Variants in MN1 observed in about 807,000 individuals in gnomAD.
MN1 encodes MN1 proto-oncogene, transcriptional regulator, also known as transcriptional activator MN1.
Under a neutral mutation model 86.9 loss-of-function variants are expected in MN1, and 19 were observed. The observed-to-expected ratio is 0.22, with a 90% CI of 0.15 to 0.32. The LOEUF is 0.32. Among genes scored for constraint, MN1 ranks in the 10% least tolerant of loss-of-function variants. The probability of loss-of-function intolerance (pLI) is 1.00; values close to 1 mark genes in which losing one functional copy is unlikely to be tolerated. For synonymous variants in MN1, 928 were observed against 849.6 expected, an observed-to-expected ratio of 1.09 and a Z score of -1.60; for missense variants, 1,841 against 1,862.0, an observed-to-expected ratio of 0.99 and a Z score of 0.21.
intron 1 of MN1, among the ~76,000 whole-genome samples, chr22:27,781,873 CTT>C (rs1555882893): frequency 1.3e-5 from 2 of 152,138 alleles, no homozygotes; most frequent in South Asian, 2.1e-4. Flanking sequence ...CTCTCTCTCT[CTT>C]GCTCTTGCTA....
At chr22:27,755,949 T>G (rs1044442588) in intron 1 of MN1, among the ~76,000 whole-genome samples, 1 of 152,206 alleles carries the variant, frequency 6.6e-6, no homozygotes, top group Non-Finnish European at 1.5e-5. Context: ...GAACCTCGGT[T>G]CTAGGAAATG....
chr22:27,762,500 C>T (rs1428739177), intron 1 of MN1, among the ~76,000 whole-genome samples: 1 of 152,108 alleles, frequency 6.6e-6, no homozygotes, highest in Non-Finnish European at 1.5e-5. Context: ...ACCGGTAATG[C>T]TGGTAATAGT....
At position 27,797,468 on chromosome 22, in the gene MN1, C is replaced by T. The variant is rs1300217156; in HGVS notation, c.3076G>A (p.Gly1026Arg). Residue 1026 changes from glycine (G) to arginine (R), a missense_variant, in exon 1 of 2, where the codon GGG becomes AGG. Transcript: ENST00000302326. ...GACTTGGCCCCGCCGTCCAGGGACC[C>T]AATGAGGTCCGGCTGATCCCCCAGG... ...LLLGDQPDLI[G>R]SLDGGAKSDS... 4 of 1,600,120 alleles carry T rather than the reference C, an allele frequency of 2.5e-6. No homozygotes were observed. The highest frequency in any genetic ancestry group is 1.7e-6 in the Non-Finnish European group (2 of 1,173,164).
intron 1 of MN1, among the ~76,000 whole-genome samples, chr22:27,786,251 AG>A (rs1226105867): frequency 6.6e-6 from 1 of 152,258 alleles, no homozygotes; most frequent in East Asian, 1.9e-4. Flanking sequence ...CCCCCAAAGA[AG>A]CCAGGCTGAA....
chr22:27,767,330 G>C (rs933264829), intron 1 of MN1, among the ~76,000 whole-genome samples: 3 of 152,092 alleles, frequency 2.0e-5, no homozygotes, highest in Admixed American at 6.5e-5. Flanking sequence ...TAATTGGAAG[G>C]CTTGCCAAAT....
chr22:27,795,697 A>C (rs1933282088), intron 1 of MN1, among the ~76,000 whole-genome samples: 1 of 149,310 alleles, frequency 6.7e-6, no homozygotes, highest in South Asian at 2.1e-4. Context: ...ATAGACACAC[A>C]TACCTATATA....
intron 1 of MN1, among the ~76,000 whole-genome samples, chr22:27,788,389 T>G (rs556755441): frequency 6.6e-6 from 1 of 152,134 alleles, no homozygotes; most frequent in Non-Finnish European, 1.5e-5. Flanking sequence ...ACCCACTAAC[T>G]TCTCAGCAAA....
intron 1 of MN1, among the ~76,000 whole-genome samples, chr22:27,756,778 T>TA (rs1361536245): frequency 1.3e-5 from 2 of 152,172 alleles, no homozygotes; most frequent in South Asian, 2.1e-4. Context: ...CTTTTAGAGA[T>TA]AGAGTCTCGC....
At chr22:27,781,293 C>T (rs1035286250) in intron 1 of MN1, among the ~76,000 whole-genome samples, 2 of 152,194 alleles carry the variant, frequency 1.3e-5, no homozygotes, top group Non-Finnish European at 2.9e-5. Flanking sequence ...TCAATCTTAG[C>T]GCTATTCACA....
At chr22:27,783,926 T>C (rs1291335345) in intron 1 of MN1, among the ~76,000 whole-genome samples, 2 of 152,128 alleles carry the variant, frequency 1.3e-5, no homozygotes, top group Admixed American at 6.5e-5. Context: ...TGGCGGCCAG[T>C]GCAACAAGCT....
intron 1 of MN1, among the ~76,000 whole-genome samples, chr22:27,755,236 G>C (rs998463266): frequency 2.0e-5 from 3 of 152,174 alleles, no homozygotes; most frequent in African/African-American, 7.2e-5. Context: ...CTGCAACTTG[G>C]GGGTGGTGAT....
chr22:27,782,333 T>C (rs916034613), intron 1 of MN1, among the ~76,000 whole-genome samples: 1 of 152,144 alleles, frequency 6.6e-6, no homozygotes, highest in Non-Finnish European at 1.5e-5. Context: ...GGCCCCGCCC[T>C]ATGACATTGT....
intron 1 of MN1, among the ~76,000 whole-genome samples, chr22:27,784,061 C>T (rs1215695400): frequency 1.3e-5 from 2 of 152,232 alleles, no homozygotes; most frequent in Non-Finnish European, 2.9e-5. Flanking sequence ...AGAGAGCCGG[C>T]CCCTGAGAAC....
intron 1 of MN1, among the ~76,000 whole-genome samples, chr22:27,788,893 C>T (rs1013459279): frequency 6.6e-6 from 1 of 152,130 alleles, no homozygotes; most frequent in Non-Finnish European, 1.5e-5. Context: ...AAAGACCCCC[C>T]CAGACGGTGT....
intron 1 of MN1, among the ~76,000 whole-genome samples, chr22:27,795,202 T>C (rs1279656616): frequency 6.6e-6 from 1 of 151,476 alleles, no homozygotes; most frequent in Admixed American, 6.6e-5. Context: ...AATGAGAGAG[T>C]GCGTCCCGGG....
intron 1 of MN1, 46 bp from the exon 2 acceptor site, chr22:27,751,142 C>T: frequency 6.7e-7 from 1 of 1,490,738 alleles, no homozygotes; most frequent in South Asian, 1.4e-5. Flanking sequence ...ACACTCGTCT[C>T]TGAGGGACAC....
chr22:27,751,173 C>T (rs1932761229), intron 1 of MN1, 77 bp from the exon 2 acceptor site: 10 of 1,306,298 alleles, frequency 7.7e-6, no homozygotes, highest in Non-Finnish European at 9.3e-6. Context: ...GCCAAAGTGG[C>T]AGAGGCATAC....
chr22:27,769,140 C>T (rs958450242), intron 1 of MN1, among the ~76,000 whole-genome samples: 1 of 152,158 alleles, frequency 6.6e-6, no homozygotes, highest in African/African-American at 2.4e-5. Context: ...CCACGCGGGG[C>T]TCCCACCAAA....
intron 1 of MN1, among the ~76,000 whole-genome samples, chr22:27,785,381 C>T (rs1022039865): frequency 1.3e-5 from 2 of 152,222 alleles, no homozygotes; most frequent in Admixed American, 6.5e-5. Context: ...TCTCCACGTC[C>T]GGCCACGTCG....
Sources: allele counts gnomAD v4.1 joint callset (sites outside exome capture counted in the v4.1 genomes callset), GRCh38; gene constraint gnomAD v4.1.1; transcripts MANE v1.5; gene names NCBI Gene and HGNC (gene_info 2026-07-23, HGNC 2026-07-21).